The following CHIC2 variants were observed in gnomAD, a reference collection of about 807,000 sequenced individuals.
CHIC2 encodes cysteine-rich hydrophobic domain-containing protein 2.
In CHIC2, 14 loss-of-function variants were observed where a neutral mutation model predicts 25.9. That is an observed-to-expected ratio of 0.54 (90% CI 0.36 to 0.85). CHIC2 has a LOEUF of 0.85. Ranked by LOEUF, CHIC2 falls within the 40% of genes least tolerant of loss-of-function variation. The pLI, the probability that CHIC2 is intolerant of heterozygous loss-of-function variation, is 0.01. For synonymous variants in CHIC2, 70 were observed against 72.0 expected (o/e 0.97, Z 0.14); for missense variants, 146 against 202.0 (o/e 0.72, Z 1.68).
chr4:54,023,030 A>G (rs2110065317), intron 3 of CHIC2, among the ~76,000 whole-genome samples: 1 of 152,088 alleles, frequency 6.6e-6, no homozygotes, highest in Non-Finnish European at 1.5e-5. Context: ...TCCACAACCC[A>G]TTATTCTGTC....
In CHIC2 at chr4:54,064,340, C is replaced by G; in HGVS notation, c.-40G>C. On this transcript the variant is annotated 5_prime_UTR_variant, in exon 1 of 6. Coordinates refer to ENST00000263921, the MANE Select transcript of CHIC2 (RefSeq NM_012110.4). The surrounding 1 kb of genome is among the most constrained non-coding windows in gnomAD (Gnocchi z 4.2). ...CTCCCCTGCCCAAAGGGCCTGACTC[C>G]CGGGGTTGGCGCCGGGGTACCGGCG... The G allele has an allele frequency of 6.2e-7, 1 of 1,610,740 alleles. No homozygotes were observed. The highest frequency in any genetic ancestry group is 1.7e-5 in the Admixed American group (1 of 59,696).
At chr4:54,051,161 T>C (rs1577983560) in intron 1 of CHIC2, among the ~76,000 whole-genome samples, 1 of 152,082 alleles carries the variant, frequency 6.6e-6, no homozygotes, top group South Asian at 2.1e-4. Context: ...CTGGTTGTAA[T>C]ATATTGCTTC....
At chr4:54,017,826 AAAAC>A (rs759693793) in intron 3 of CHIC2, among the ~76,000 whole-genome samples, 31 of 152,108 alleles carry the variant, frequency 2.0e-4, no homozygotes, top group African/African-American at 3.4e-4. Flanking sequence ...TAAAAAAACA[AAAAC>A]AAAAACAAAA....
chr4:54,044,769 C>A (rs1450962802), intron 3 of CHIC2, among the ~76,000 whole-genome samples: 1 of 151,980 alleles, frequency 6.6e-6, no homozygotes, highest in Non-Finnish European at 1.5e-5. Context: ...CATTCAAAAG[C>A]TAGCAGAAGG....
At chr4:54,077,160 G>T in the CHIC2 span, among the ~76,000 whole-genome samples, 1 of 152,128 alleles carries the variant, frequency 6.6e-6, no homozygotes, top group Non-Finnish European at 1.5e-5. Flanking sequence ...AATCAGGATG[G>T]ACAAAATTCT....
At chr4:54,013,329 A>T (rs992906024) in intron 5 of CHIC2, among the ~76,000 whole-genome samples, 2 of 152,114 alleles carry the variant, frequency 1.3e-5, no homozygotes, top group African/African-American at 4.8e-5. Context: ...TCTCCTGCTT[A>T]CTTTTAATTT....
intron 3 of CHIC2, among the ~76,000 whole-genome samples, chr4:54,040,715 A>T: frequency 6.8e-6 from 1 of 147,666 alleles, no homozygotes; most frequent in South Asian, 2.1e-4. Flanking sequence ...AAAAAAAAAA[A>T]AAAAAAAAAA....
chr4:54,040,009 C>A lies in CHIC2; in HGVS notation c.330+8946G>T, dbSNP rs145084180. On this transcript the variant is annotated intron_variant, in intron 3 of 5. Coordinates refer to ENST00000263921, the MANE Select transcript of CHIC2 (RefSeq NM_012110.4). Reference sequence around the variant, plus strand: ...AAGACAGTATTGTAGGGATAGACAACAGATCACTGGTTGCCAGGGTTTAAG... The same window carrying A: ...AAGACAGTATTGTAGGGATAGACAAAAGATCACTGGTTGCCAGGGTTTAAG... Among the ~76,000 whole-genome samples, 150 of 152,212 alleles carry A rather than the reference C, an allele frequency of 9.9e-4. 1 individual carries two copies. The highest frequency in any genetic ancestry group is 5.4e-3 in the Admixed American group (83 of 15,290).
chr4:54,025,304 T>TA (rs1346761924), intron 3 of CHIC2, among the ~76,000 whole-genome samples: 1 of 152,062 alleles, frequency 6.6e-6, no homozygotes, highest in Non-Finnish European at 1.5e-5. Flanking sequence ...CCCCCACCCT[T>TA]AAGAAGGTTC....
At chr4:54,066,901 T>C (rs1237602650), upstream of CHIC2, among the ~76,000 whole-genome samples, 2 of 152,204 alleles carry the variant, frequency 1.3e-5, no homozygotes, top group African/African-American at 4.8e-5. Flanking sequence ...AATTCACCCT[T>C]ATGTAGAAAC....
At chr4:54,065,315 A>G (rs1243044508), upstream of CHIC2, 15 of 984,616 alleles carry the variant, frequency 1.5e-5, no homozygotes, top group Non-Finnish European at 1.8e-5. Flanking sequence ...TGGATTCCAT[A>G]TTAGAAGATG....
chr4:54,085,025 C>A, the CHIC2 span, among the ~76,000 whole-genome samples: 2 of 146,130 alleles, frequency 1.4e-5, no homozygotes, highest in Non-Finnish European at 3.0e-5. Context: ...AAGCTAAACA[C>A]TGAATTGATA....
At chr4:54,025,001 C>G (rs1236381347) in intron 3 of CHIC2, among the ~76,000 whole-genome samples, 2 of 152,106 alleles carry the variant, frequency 1.3e-5, no homozygotes, top group Admixed American at 6.5e-5. Flanking sequence ...TCAAAGCAGC[C>G]CTGAGAAACA....
At chr4:54,012,828 T>A (rs1349459984) in intron 5 of CHIC2, among the ~76,000 whole-genome samples, 1 of 152,140 alleles carries the variant, frequency 6.6e-6, no homozygotes, top group Admixed American at 6.6e-5. Flanking sequence ...TTTAAAAATA[T>A]TTTTTATGTT....
chr4:54,038,525 A>T (rs970774194), intron 3 of CHIC2, among the ~76,000 whole-genome samples: 44 of 152,342 alleles, frequency 2.9e-4, no homozygotes, highest in African/African-American at 1.0e-3. Context: ...TAGAGGACTT[A>T]ATATTGTTAA....
intron 3 of CHIC2, among the ~76,000 whole-genome samples, chr4:54,042,406 A>C (rs1386744511): frequency 6.6e-6 from 1 of 152,184 alleles, no homozygotes; most frequent in Non-Finnish European, 1.5e-5. Context: ...AAAGGATCTC[A>C]AGTTGATATG....
chr4:54,048,915 C>A, intron 3 of CHIC2, 40 bp downstream of exon 3: 1 of 1,450,026 alleles, frequency 6.9e-7, no homozygotes, highest in Non-Finnish European at 9.2e-7. Context: ...ACTTGCTTGT[C>A]CACTTCTAAA....
In CHIC2 at chr4:54,049,318, A is replaced by T. The variant is rs1716930850; in HGVS notation, c.120-13T>A. ...GCTCAGTCCAAATCTATTTTAAAAA[A>T]TAAGAAGAATATGTTATTACATGTT... On this transcript the variant is annotated splice_polypyrimidine_tract_variant and intron_variant, in intron 1 of 5. Transcript: ENST00000263921. 1 of 1,531,714 alleles carries T rather than the reference A, an allele frequency of 6.5e-7. No individual in the cohort carries two copies. The highest frequency in any genetic ancestry group is 1.4e-5 in the African/African-American group (1 of 72,740). 94.9% of individuals were successfully genotyped at this position (1,531,714 alleles called of 1,614,324 possible).
At chr4:54,018,255 C>T (rs1196759869) in intron 3 of CHIC2, among the ~76,000 whole-genome samples, 1 of 152,114 alleles carries the variant, frequency 6.6e-6, no homozygotes, top group Admixed American at 6.5e-5. Flanking sequence ...GCAAAGCACA[C>T]ATACACCTAG....
Sources: gnomAD v4.1 joint callset for allele counts (sites outside exome capture counted in the v4.1 genomes callset) on GRCh38, gnomAD v4.1.1 for gene constraint, Gnocchi (gnomAD v3.1) non-coding constraint, MANE v1.5 for transcripts, NCBI Gene and HGNC (gene_info 2026-07-23, HGNC 2026-07-21) for gene names.